The following PPM1H variants were observed in gnomAD, a reference collection of about 807,000 sequenced individuals.
The protein encoded by PPM1H is protein phosphatase 1H.
Under a neutral mutation model 54.9 loss-of-function variants are expected in PPM1H, and 27 were observed. The ratio of observed to expected loss-of-function variants is 0.49; its 90% CI spans 0.36 to 0.68. PPM1H has a LOEUF of 0.68. PPM1H is among the 30% of genes least tolerant of loss of function. The probability of loss-of-function intolerance (pLI) is 0.00; values close to 1 mark genes in which losing one functional copy is unlikely to be tolerated. For synonymous variants in PPM1H, 305 were observed against 270.8 expected, an observed-to-expected ratio of 1.13 and a Z score of -1.24; for missense variants, 596 against 667.8, an observed-to-expected ratio of 0.89 and a Z score of 1.19.
chr12:62,687,533 G>A (rs1399321049), intron 8 of PPM1H, among the ~76,000 whole-genome samples: 1 of 151,426 alleles, frequency 6.6e-6, no homozygotes, highest in East Asian at 1.9e-4. Flanking sequence ...TTACAGGTAT[G>A]AGCCACCATA....
intron 2 of PPM1H, among the ~76,000 whole-genome samples, chr12:62,818,110 T>A (rs1014633011): frequency 6.6e-6 from 1 of 152,068 alleles, no homozygotes; most frequent in African/African-American, 2.4e-5. Flanking sequence ...GGCAAAAAAA[T>A]TTCCTGGTTA....
At chr12:62,711,195 T>C (rs778928999) in intron 6 of PPM1H, among the ~76,000 whole-genome samples, 1 of 152,246 alleles carries the variant, frequency 6.6e-6, no homozygotes, top group African/African-American at 2.4e-5. Flanking sequence ...TCTCCCCATG[T>C]TGCCCAGGCT....
chr12:62,768,802 G>A (rs2076560912), intron 4 of PPM1H, among the ~76,000 whole-genome samples: 1 of 152,068 alleles, frequency 6.6e-6, no homozygotes, highest in Admixed American at 6.6e-5. Context: ...ACTTTTTGGA[G>A]GAGGTGGAAC....
intron 1 of PPM1H, among the ~76,000 whole-genome samples, chr12:62,927,348 G>A (rs1872000356): frequency 6.6e-6 from 1 of 152,156 alleles, no homozygotes; most frequent in African/African-American, 2.4e-5. Flanking sequence ...TGGAATATTA[G>A]GCAGTCGACA....
chr12:62,702,028 A>G (rs2076146491), intron 6 of PPM1H, among the ~76,000 whole-genome samples: 1 of 152,240 alleles, frequency 6.6e-6, no homozygotes, highest in South Asian at 2.1e-4. Context: ...GAATGAACAA[A>G]GGCTGGTATC....
intron 5 of PPM1H, among the ~76,000 whole-genome samples, chr12:62,721,226 T>A (rs1048762908): frequency 1.3e-5 from 2 of 152,202 alleles, no homozygotes; most frequent in Non-Finnish European, 2.9e-5. Context: ...GCTACTTTGC[T>A]AGGACCCAAT....
At chr12:62,708,484 T>A (rs2076188088) in intron 6 of PPM1H, among the ~76,000 whole-genome samples, 1 of 152,162 alleles carries the variant, frequency 6.6e-6, no homozygotes, top group Admixed American at 6.5e-5. Flanking sequence ...AGCAGAAAAT[T>A]TATCAAGCTC....
At chr12:62,679,352 C>T (rs942345107) in intron 8 of PPM1H, among the ~76,000 whole-genome samples, 5 of 152,128 alleles carry the variant, frequency 3.3e-5, no homozygotes, top group African/African-American at 1.2e-4. Context: ...TTGGGGGAGG[C>T]AAATCGCCCC....
At chr12:62,853,425 C>T (rs1869267391) in intron 1 of PPM1H, among the ~76,000 whole-genome samples, 1 of 151,760 alleles carries the variant, frequency 6.6e-6, no homozygotes, top group Non-Finnish European at 1.5e-5. Context: ...AAAGTTTTTA[C>T]AGATGCATAA....
At chr12:62,686,439 C>T (rs1027577752) in intron 8 of PPM1H, among the ~76,000 whole-genome samples, 2 of 152,200 alleles carry the variant, frequency 1.3e-5, no homozygotes, top group African/African-American at 4.8e-5. Context: ...AGTTATCTGA[C>T]AAATGCCTCT....
At chr12:62,799,069 C>T (rs639821) in intron 3 of PPM1H, among the ~76,000 whole-genome samples, 32,171 of 152,172 alleles carry the variant, frequency 0.21, 3,760 homozygotes, top group African/African-American at 0.32. Context: ...ACAAATATTA[C>T]TGATTGAATG....
At chr12:62,900,842 T>C (rs910576983) in intron 1 of PPM1H, among the ~76,000 whole-genome samples, 9 of 152,220 alleles carry the variant, frequency 5.9e-5, no homozygotes, top group African/African-American at 2.2e-4. Context: ...ACCCAATTGC[T>C]ATGCTGACCT....
chr12:62,832,078 T>A (rs762514649), intron 2 of PPM1H, 36 bp downstream of exon 2: 1 of 1,605,274 alleles, frequency 6.2e-7, no homozygotes, highest in Non-Finnish European at 8.5e-7. Flanking sequence ...GTGCCATTCT[T>A]CTCACCTGAG....
intron 1 of PPM1H, among the ~76,000 whole-genome samples, chr12:62,900,553 T>G (rs953583672): frequency 8.1e-6 from 1 of 122,856 alleles, no homozygotes; most frequent in Non-Finnish European, 1.7e-5. Flanking sequence ...ATAATAATAA[T>G]AAAGAAAGAA....
At chr12:62,859,953 G>A (rs74790970) in intron 1 of PPM1H, among the ~76,000 whole-genome samples, 3,951 of 152,324 alleles carry the variant, frequency 0.026, 83 homozygotes, top group Non-Finnish European at 0.036. Context: ...CCAAGAGGCT[G>A]AAAGAGAAAG....
chr12:62,876,594 A>T (rs192777572), intron 1 of PPM1H, among the ~76,000 whole-genome samples: 2 of 152,340 alleles, frequency 1.3e-5, no homozygotes, highest in East Asian at 3.9e-4. Context: ...TTTTGAAATT[A>T]TATGCAGTCA....
At chr12:62,840,038 C>T (rs1868673221) in intron 1 of PPM1H, 1 of 145,066 alleles carries the variant, frequency 6.9e-6, no homozygotes, top group African/African-American at 2.7e-5. Context: ...AAGACCGTGC[C>T]TCTCTAGAGA....
At chr12:62,899,521 C>A (rs1429752008) in intron 1 of PPM1H, among the ~76,000 whole-genome samples, 1 of 152,182 alleles carries the variant, frequency 6.6e-6, no homozygotes, top group Non-Finnish European at 1.5e-5. Flanking sequence ...CAGAGACGCA[C>A]CCCTCTCTTT....
intron 1 of PPM1H, chr12:62,840,341 C>G (rs1868697251): frequency 6.6e-6 from 1 of 152,132 alleles, no homozygotes; most frequent in Admixed American, 6.5e-5. Context: ...ATGACCTGAA[C>G]AATTTCAAAA....
Sources: allele counts gnomAD v4.1 joint callset (sites outside exome capture counted in the v4.1 genomes callset), GRCh38; gene constraint gnomAD v4.1.1; transcripts MANE v1.5; gene names NCBI Gene and HGNC (gene_info 2026-07-23, HGNC 2026-07-21).